The following WDFY4 variants were observed in gnomAD, a reference collection of about 807,000 sequenced individuals.
WDFY4 encodes the protein WDFY family member 4.
In WDFY4, 169 loss-of-function variants were observed where a neutral mutation model predicts 351.9. The ratio of observed to expected loss-of-function variants is 0.48; its 90% confidence interval spans 0.42 to 0.55. The LOEUF (loss-of-function observed/expected upper bound fraction) is 0.55. Ranked by LOEUF, WDFY4 falls within the 20% of genes least tolerant of loss-of-function variation. WDFY4 has a pLI of 0.00. For missense variants in WDFY4, 3,803 were observed against 3,935.6 expected (o/e 0.97, Z 0.90); for synonymous variants, 1,622 against 1,574.6 (o/e 1.03, Z -0.71).
intron 36 of WDFY4, among the ~76,000 whole-genome samples, chr10:48,828,055 A>C (rs541497106): frequency 2.0e-5 from 3 of 152,294 alleles, no homozygotes; most frequent in South Asian, 2.1e-4. Context: ...AAACATGGGC[A>C]TTCTCATATG....
chr10:48,829,640 A>G (rs2068120817), intron 37 of WDFY4, among the ~76,000 whole-genome samples: 1 of 152,178 alleles, frequency 6.6e-6, no homozygotes, highest in Admixed American at 6.5e-5. Flanking sequence ...ACCTAAGGTC[A>G]GGAGTTCAAG....
chr10:48,946,446 C>T (rs1276554124), intron 50 of WDFY4, among the ~76,000 whole-genome samples: 1 of 152,248 alleles, frequency 6.6e-6, no homozygotes, highest in Non-Finnish European at 1.5e-5. Flanking sequence ...GACTCCATGC[C>T]TAGGGGCAGG....
chr10:48,916,732 T>A (rs10776654), intron 47 of WDFY4, among the ~76,000 whole-genome samples: 18 of 152,174 alleles, frequency 1.2e-4, no homozygotes, highest in Non-Finnish European at 2.1e-4. Flanking sequence ...CTCTGAACTC[T>A]CCTGAGCTGC....
At chr10:48,722,170 CA>C (rs1407883598) in intron 4 of WDFY4, among the ~76,000 whole-genome samples, 2 of 152,182 alleles carry the variant, frequency 1.3e-5, no homozygotes, top group Non-Finnish European at 2.9e-5. Flanking sequence ...TGTCTGGGGC[CA>C]GGGGGTGGTA....
intron 47 of WDFY4, among the ~76,000 whole-genome samples, chr10:48,914,734 C>A (rs993979856): frequency 2.0e-5 from 3 of 152,170 alleles, no homozygotes; most frequent in African/African-American, 7.2e-5. Context: ...CCCTCATGGA[C>A]CCAGAGGAAC....
At chr10:48,944,797 C>T (rs896041120) in intron 49 of WDFY4, among the ~76,000 whole-genome samples, 2 of 152,098 alleles carry the variant, frequency 1.3e-5, no homozygotes, top group South Asian at 2.1e-4. Flanking sequence ...TATTTAAAAC[C>T]TTGATTATTT....
intron 49 of WDFY4, among the ~76,000 whole-genome samples, chr10:48,944,254 C>G (rs1416156924): frequency 6.6e-6 from 1 of 152,214 alleles, no homozygotes; most frequent in Non-Finnish European, 1.5e-5. Context: ...ATGATGGTGT[C>G]TGGGCCTCAT....
intron 44 of WDFY4, among the ~76,000 whole-genome samples, chr10:48,894,587 G>A (rs1564457165): frequency 1.3e-5 from 2 of 152,236 alleles, no homozygotes; most frequent in Admixed American, 6.5e-5. Context: ...ATGCTTGGCA[G>A]GCCAGAGAGC....
At position 48,811,520 on chromosome 10, in the gene WDFY4, C is replaced by T; in HGVS notation, c.5045-19C>T. On this transcript the variant is annotated intron_variant, in intron 29 of 61. Coordinates refer to ENST00000325239, the MANE Select transcript of WDFY4 (RefSeq NM_001394531.1). Reference sequence around the variant, plus strand: ...GCTGTTCTCAGCTGACTTTTGTGCCCCCTTTGCCTGATCAATAGACAACCT... The same window carrying T: ...GCTGTTCTCAGCTGACTTTTGTGCCTCCTTTGCCTGATCAATAGACAACCT... The T allele has an allele frequency of 6.4e-7, 1 of 1,551,516 alleles. No individual in the cohort carries two copies. The highest frequency in any genetic ancestry group is 8.7e-7 in the Non-Finnish European group (1 of 1,146,722).
At position 48,810,561 on chromosome 10, in the gene WDFY4, C is replaced by A. The variant is rs750404087; in HGVS notation, c.4870C>A (p.Pro1624Thr). ...SKEEMFLKLG[P>T]DWFLLLLQGH... ...GGAAGAGATGTTTCTGAAACTGGGG[C>A]CTGACTGGTTCCTGCTGCTCCTGCA... The change falls in exon 29 of 62, where the codon CCT (proline) becomes ACT (threonine). Residue 1624 changes from proline (P) to threonine (T), a missense_variant. Coordinates refer to ENST00000325239, the MANE Select transcript of WDFY4 (RefSeq NM_001394531.1). 55 of 1,551,686 alleles carry A rather than the reference C, an allele frequency of 3.5e-5. No homozygotes were observed. The highest frequency in any genetic ancestry group is 4.4e-5 in the Non-Finnish European group (50 of 1,146,976).
At chr10:48,850,037 C>T (rs2068904486) in intron 39 of WDFY4, among the ~76,000 whole-genome samples, 1 of 152,164 alleles carries the variant, frequency 6.6e-6, no homozygotes, top group Admixed American at 6.5e-5. Context: ...GGAAGGACAA[C>T]CACAGAAGTG....
intron 17 of WDFY4, among the ~76,000 whole-genome samples, chr10:48,778,180 C>T (rs1310633644): frequency 3.9e-5 from 6 of 152,326 alleles, no homozygotes; most frequent in Admixed American, 2.0e-4. Flanking sequence ...GCCTTCATGA[C>T]GTTTTTCCAT....
intron 12 of WDFY4, among the ~76,000 whole-genome samples, chr10:48,751,275 G>C (rs2065173107): frequency 6.6e-6 from 1 of 152,324 alleles, no homozygotes; most frequent in East Asian, 1.9e-4. Flanking sequence ...AGAGTTATCT[G>C]GTCTGAGATG....
chr10:48,978,192 G>A, intron 59 of WDFY4, 117 bp from the exon 60 acceptor site: 3 of 938,412 alleles, frequency 3.2e-6, no homozygotes, highest in South Asian at 1.8e-5. Flanking sequence ...TGAAAGGGGG[G>A]CCATGTGTTC....
At chr10:48,850,902 T>C (rs1446907286) in intron 39 of WDFY4, among the ~76,000 whole-genome samples, 1 of 152,252 alleles carries the variant, frequency 6.6e-6, no homozygotes, top group Non-Finnish European at 1.5e-5. Context: ...CCTGGAAATA[T>C]TTGACAAACA....
At position 48,975,009 on chromosome 10, in the gene WDFY4, G is replaced by A; in HGVS notation, c.9076G>A (p.Gly3026Ser). ...HVTRLPAHRE[G>S]ISAITISDVS... Reference sequence around the variant, plus strand: ...GACCCGCCTGCCCGCCCATCGGGAAGGCATCTCAGCCATCACCATCAGTGA... The same window carrying A: ...GACCCGCCTGCCCGCCCATCGGGAAAGCATCTCAGCCATCACCATCAGTGA... Residue 3026 changes from glycine (G) to serine (S), a missense_variant, in exon 58 of 62, where the codon GGC becomes AGC. Coordinates refer to ENST00000325239, the MANE Select transcript of WDFY4 (RefSeq NM_001394531.1). 6.4e-7 allele frequency: 1 copy of A among 1,551,730 alleles called. No homozygotes were observed. The highest frequency in any genetic ancestry group is 8.7e-7 in the Non-Finnish European group (1 of 1,147,010).
At chr10:48,733,722 A>C (rs2064547542) in intron 9 of WDFY4, among the ~76,000 whole-genome samples, 1 of 152,194 alleles carries the variant, frequency 6.6e-6, no homozygotes, top group Non-Finnish European at 1.5e-5. Flanking sequence ...TAACAAAATA[A>C]GCCCTGCAGG....
At chr10:48,883,023 C>T (rs1364957778) in intron 43 of WDFY4, among the ~76,000 whole-genome samples, 2 of 152,250 alleles carry the variant, frequency 1.3e-5, no homozygotes, top group African/African-American at 4.8e-5. Flanking sequence ...CCTCCCAGCT[C>T]ACTGTGTTGG....
chr10:48,822,997 C>T (rs1237206779), intron 35 of WDFY4, among the ~76,000 whole-genome samples: 1 of 152,186 alleles, frequency 6.6e-6, no homozygotes, highest in East Asian at 1.9e-4. Flanking sequence ...TTAACCTTGT[C>T]TTTTTATTCT....
Sources: gnomAD v4.1 joint callset for allele counts (sites outside exome capture counted in the v4.1 genomes callset) on GRCh38, gnomAD v4.1.1 for gene constraint, MANE v1.5 for transcripts, NCBI Gene and HGNC (gene_info 2026-07-23, HGNC 2026-07-21) for gene names.